The following MSRA variants were observed in gnomAD, a reference collection of about 807,000 sequenced individuals.
MSRA encodes methionine sulfoxide reductase A, also known as mitochondrial peptide methionine sulfoxide reductase.
In MSRA, 54 loss-of-function variants were observed where a neutral mutation model predicts 31.3. That is an observed-to-expected ratio of 1.73 (90% CI 1.39 to 2.17). The LOEUF is 2.17. Ranked by LOEUF, MSRA falls within the 30% of genes most tolerant of loss-of-function variation. The probability of loss-of-function intolerance (pLI) is 0.00; values close to 1 mark genes in which losing one functional copy is unlikely to be tolerated. For missense variants in MSRA, 507 were observed against 300.9 expected, an observed-to-expected ratio of 1.69 and a Z score of -5.07; for synonymous variants, 169 against 116.5, an observed-to-expected ratio of 1.45 and a Z score of -2.90.
chr8:10,326,519 C>T (rs1228002110), intron 5 of MSRA: 1 of 152,188 alleles, frequency 6.6e-6, no homozygotes, highest in African/African-American at 2.4e-5. Context: ...AGGAGTGAAA[C>T]TTGAACTTCA....
chr8:10,153,728 A>C (rs1803915541), intron 1 of MSRA, among the ~76,000 whole-genome samples: 1 of 152,134 alleles, frequency 6.6e-6, no homozygotes, highest in South Asian at 2.1e-4. Flanking sequence ...CTTCATAACA[A>C]AGTGTTCGCT....
rs190653550 is a variant in MSRA, at chr8:10,325,888, G to C, written c.543+5899G>C. The stretch of plus-strand genomic sequence containing the variant: ...TTGAACAAGCTCCTGAAACCACAGA[G>C]GTGTTTAAGGTAGGGAGGGTCATTT... On this transcript the variant is annotated intron_variant, in intron 5 of 5. Transcript: ENST00000317173. Among the ~76,000 whole-genome samples the C allele has an allele frequency of 6.1e-3, 923 of 152,304 alleles. 5 individuals are homozygous for C. Among genetic ancestry groups the C allele is most frequent in the Non-Finnish European group, 8.1e-3 (553 of 68,030 alleles).
chr8:10,132,290 A>G (rs976630817), intron 1 of MSRA, among the ~76,000 whole-genome samples: 4 of 152,194 alleles, frequency 2.6e-5, no homozygotes, highest in African/African-American at 9.7e-5. Context: ...TTCTTGCTCC[A>G]CTGCAGCTCT....
At chr8:10,321,560 T>C (rs1563348243) in intron 5 of MSRA, among the ~76,000 whole-genome samples, 2 of 152,204 alleles carry the variant, frequency 1.3e-5, no homozygotes, top group South Asian at 4.1e-4. Context: ...TCTGCCCATA[T>C]GTAATTCATC....
chr8:10,268,214 GC>G (rs1334128251), intron 3 of MSRA, among the ~76,000 whole-genome samples: 2 of 152,198 alleles, frequency 1.3e-5, no homozygotes, highest in African/African-American at 4.8e-5. Flanking sequence ...AATAATTGCA[GC>G]ACACCGTTCT....
chr8:10,054,297 G>A lies in MSRA; in HGVS notation c.-220G>A, dbSNP rs1047016773. On this transcript the variant is annotated 5_prime_UTR_variant, in exon 1 of 6. Coordinates refer to ENST00000317173, the MANE Select transcript of MSRA (RefSeq NM_012331.5). ...CTCGCCGGGCCACACCCCCTGTCCA[G>A]GGAAGGAACACGCCCCCGGTGACAG... 5.5e-4 allele frequency: 196 copies of A among 356,662 alleles called. No homozygotes were observed. The highest frequency in any genetic ancestry group is 6.0e-4 in the Admixed American group (12 of 20,040). The allele number at this position is 356,662 out of a possible 1,614,324, so 22.1% of individuals were successfully genotyped here.
At chr8:10,154,381 T>C (rs954354388) in intron 1 of MSRA, among the ~76,000 whole-genome samples, 4 of 152,020 alleles carry the variant, frequency 2.6e-5, no homozygotes, top group African/African-American at 9.7e-5. Flanking sequence ...TTTCTTTTCT[T>C]TCTTTCTTTT....
chr8:10,203,230 G>T (rs1365879398), intron 1 of MSRA, among the ~76,000 whole-genome samples: 5 of 152,090 alleles, frequency 3.3e-5, no homozygotes, highest in Non-Finnish European at 7.4e-5. Flanking sequence ...AGCCAGCACT[G>T]CCCACCTCTC....
intron 5 of MSRA, among the ~76,000 whole-genome samples, chr8:10,418,915 G>A (rs1424825314): frequency 2.8e-5 from 4 of 140,546 alleles, no homozygotes; most frequent in Non-Finnish European, 4.6e-5. Flanking sequence ...CCATGATCAC[G>A]CCACTGCACT....
intron 3 of MSRA, among the ~76,000 whole-genome samples, chr8:10,274,120 A>G (rs1297127432): frequency 6.6e-6 from 1 of 152,212 alleles, no homozygotes; most frequent in African/African-American, 2.4e-5. Flanking sequence ...TACAAGGCCC[A>G]GTGCTATTAT....
intron 3 of MSRA, among the ~76,000 whole-genome samples, chr8:10,275,078 A>G (rs1038711358): frequency 1.8e-4 from 26 of 148,282 alleles, no homozygotes; most frequent in African/African-American, 6.3e-4. Flanking sequence ...ATCAGTTTAG[A>G]TATGAGAATA....
At chr8:10,128,794 T>C (rs544384732) in intron 1 of MSRA, among the ~76,000 whole-genome samples, 36 of 152,344 alleles carry the variant, frequency 2.4e-4, no homozygotes, top group African/African-American at 8.4e-4. Context: ...CATGACCTCA[T>C]CTATTCATTC....
intron 5 of MSRA, among the ~76,000 whole-genome samples, chr8:10,405,856 C>T (rs988278507): frequency 6.6e-6 from 1 of 152,168 alleles, no homozygotes; most frequent in African/African-American, 2.4e-5. Context: ...CTCACACACC[C>T]ATGTACTCAC....
chr8:10,056,198 C>A (rs372751285), intron 1 of MSRA, among the ~76,000 whole-genome samples: 30 of 91,002 alleles, frequency 3.3e-4, no homozygotes, highest in African/African-American at 4.9e-4. Flanking sequence ...TCCCATACAC[C>A]AAAAAAAAAA....
At chr8:10,283,836 T>TATATATATATATATATATACACACAC (rs1261287031) in intron 3 of MSRA, among the ~76,000 whole-genome samples, 2 of 53,164 alleles carry the variant, frequency 3.8e-5, no homozygotes, top group South Asian at 9.9e-4. Context: ...TATATATATA[T>TATATATATATATATATATACACACAC]ACACACACAC....
intron 1 of MSRA, among the ~76,000 whole-genome samples, chr8:10,098,888 G>A (rs1030431593): frequency 6.6e-6 from 1 of 152,220 alleles, no homozygotes; most frequent in Non-Finnish European, 1.5e-5. Context: ...AACCTTCGAA[G>A]ACGTGGCTGC....
rs1474983826 is a variant in MSRA at position 10,222,903 on chromosome 8, C to G, written c.211+15002C>G. Among the ~76,000 whole-genome samples the G allele has an allele frequency of 2.6e-5, 4 of 152,058 alleles. No individual in the cohort carries two copies. The East Asian group carries it at 7.7e-4, about 29-fold the overall frequency. ...GAATAAGTTCTGGAGATCTTGGTGA[C>G]TATAGTTAATAATAATACATTGTAC... is the stretch of plus-strand genomic sequence containing the variant. On this transcript the variant is annotated intron_variant, in intron 2 of 5. Coordinates refer to ENST00000317173, the MANE Select transcript of MSRA (RefSeq NM_012331.5).
intron 1 of MSRA, among the ~76,000 whole-genome samples, chr8:10,198,493 G>T (rs1326850505): frequency 1.3e-5 from 2 of 152,114 alleles, no homozygotes. Flanking sequence ...CTTATTTACA[G>T]TTTTTCTGTA....
intron 5 of MSRA, among the ~76,000 whole-genome samples, chr8:10,369,952 G>T (rs769964345): frequency 1.3e-5 from 2 of 152,152 alleles, no homozygotes; most frequent in Non-Finnish European, 2.9e-5. Context: ...CACAAGTCAA[G>T]GTTCTAACAT....
Sources: gnomAD v4.1 joint callset for allele counts (sites outside exome capture counted in the v4.1 genomes callset) on GRCh38, gnomAD v4.1.1 for gene constraint, MANE v1.5 for transcripts, NCBI Gene and HGNC (gene_info 2026-07-23, HGNC 2026-07-21) for gene names.